The following FGD4 variants were observed in gnomAD, a reference collection of about 807,000 sequenced individuals.
FGD4 encodes FYVE, RhoGEF and PH domain-containing protein 4.
A neutral mutation model predicts 102.0 loss-of-function variants in FGD4; 42 were observed. The ratio of observed to expected loss-of-function variants is 0.41; its 90% CI spans 0.32 to 0.53. FGD4 has a LOEUF of 0.53. Ranked by LOEUF, FGD4 falls within the 20% of genes least tolerant of loss-of-function variation. FGD4 has a pLI of 0.21. For synonymous variants in FGD4, 380 were observed against 375.7 expected (o/e 1.01, Z -0.13); for missense variants, 902 against 1,078.2 (o/e 0.84, Z 2.29).
At position 32,602,158 on chromosome 12, in the gene FGD4, C is replaced by A. The variant is rs755168497; in HGVS notation, c.1248-3C>A. 3 of 1,613,586 alleles carry A rather than the reference C, an allele frequency of 1.9e-6. No homozygotes were observed. In the African/African-American group the frequency reaches 4.0e-5, roughly 22 times the overall value. On this transcript the variant is annotated splice_polypyrimidine_tract_variant and splice_region_variant and intron_variant, in intron 6 of 16. Coordinates refer to ENST00000534526, the MANE Select transcript of FGD4 (RefSeq NM_001370298.3). ...AAGACTTGTTTTTCTATATTTGATA[C>A]AGGGAAACTACTCCTAGAATTGGAG...
chr12:32,503,266 G>A (rs890709346), intron 1 of FGD4, among the ~76,000 whole-genome samples: 1 of 152,118 alleles, frequency 6.6e-6, no homozygotes, highest in Non-Finnish European at 1.5e-5. Flanking sequence ...GTCTAACTGG[G>A]TCTGCCATTT....
At chr12:32,468,180 A>T (rs79031035) in intron 1 of FGD4, among the ~76,000 whole-genome samples, 1 of 151,950 alleles carries the variant, frequency 6.6e-6, no homozygotes, top group East Asian at 1.9e-4. Context: ...GTAGCTGGGA[A>T]CTACAGGTGT....
chr12:32,616,844 C>T (rs967864823), intron 10 of FGD4, among the ~76,000 whole-genome samples: 2 of 152,184 alleles, frequency 1.3e-5, no homozygotes, highest in African/African-American at 4.8e-5. Flanking sequence ...TCACAGAACA[C>T]CTGAGACTGG....
intron 1 of FGD4, among the ~76,000 whole-genome samples, chr12:32,558,452 G>A: frequency 6.6e-6 from 1 of 152,192 alleles, no homozygotes; most frequent in East Asian, 1.9e-4. Context: ...ACCGTATAAA[G>A]CTGTGATCTG....
chr12:32,527,482 C>T (rs780420183), intron 1 of FGD4, among the ~76,000 whole-genome samples: 35 of 151,968 alleles, frequency 2.3e-4, no homozygotes, highest in Non-Finnish European at 4.6e-4. Context: ...CAGGCTGGAG[C>T]GCAGTGGTGC....
At position 32,640,699 on chromosome 12, in the gene FGD4, T is replaced by C. The variant is rs771495250; in HGVS notation, c.*166T>C. 8.6e-6 allele frequency: 8 copies of C among 929,806 alleles called. No homozygotes were observed. The highest frequency in any genetic ancestry group is 1.1e-5 in the Non-Finnish European group (7 of 621,370). 57.6% of individuals were successfully genotyped at this position (929,806 alleles called of 1,614,324 possible). On this transcript the variant is annotated 3_prime_UTR_variant, in exon 17 of 17. Transcript: ENST00000534526. ...GTTTATGTACTCTTAGTGAAATTAGTGTGCAGAGTCATTCTACCGATAAAG... is the reference window on the plus strand; with the variant it reads ...GTTTATGTACTCTTAGTGAAATTAGCGTGCAGAGTCATTCTACCGATAAAG...
rs1944018059 is a variant in FGD4 at position 32,555,464 on chromosome 12, G to A, written c.167-8673G>A. Among the ~76,000 whole-genome samples the A allele has an allele frequency of 2.0e-5, 3 of 152,034 alleles. No homozygotes were observed. The South Asian group carries it at 6.2e-4, about 32-fold the overall frequency. On this transcript the variant is annotated intron_variant, in intron 1 of 16. Coordinates refer to ENST00000534526, the MANE Select transcript of FGD4 (RefSeq NM_001370298.3). Reference sequence around the variant, plus strand: ...GTCTGCAGTAGAGATTTAAGTGTAGGATAATCTCAACATGTGGAAGGCATG... The same window carrying A: ...GTCTGCAGTAGAGATTTAAGTGTAGAATAATCTCAACATGTGGAAGGCATG...
chr12:32,604,146 G>A (rs1194725823), intron 7 of FGD4, among the ~76,000 whole-genome samples: 2 of 152,070 alleles, frequency 1.3e-5, no homozygotes, highest in Admixed American at 1.3e-4. Flanking sequence ...CTGTTTTTTG[G>A]CTTTCAGCAG....
chr12:32,609,411 A>G (rs1414823581), intron 8 of FGD4, among the ~76,000 whole-genome samples: 6 of 152,054 alleles, frequency 3.9e-5, no homozygotes, highest in Admixed American at 3.9e-4. Context: ...TGGAAACACT[A>G]CTGCTTTTCC....
chr12:32,584,571 C>G (rs1308821114), intron 4 of FGD4, among the ~76,000 whole-genome samples: 1 of 151,424 alleles, frequency 6.6e-6, no homozygotes, highest in African/African-American at 2.4e-5. Context: ...ATCTTAAGGC[C>G]CTATCTTCAT....
intron 1 of FGD4, among the ~76,000 whole-genome samples, chr12:32,497,689 G>C (rs991410005): frequency 1.3e-5 from 2 of 152,176 alleles, no homozygotes; most frequent in African/African-American, 4.8e-5. Context: ...AGTAAAACCA[G>C]TAGCAGAGCT....
At chr12:32,620,425 G>C (rs895448113) in intron 11 of FGD4, among the ~76,000 whole-genome samples, 4 of 152,028 alleles carry the variant, frequency 2.6e-5, no homozygotes, top group Non-Finnish European at 4.4e-5. Flanking sequence ...ACTTCTAGAA[G>C]GTATGGCTCT....
At chr12:32,620,520 CTTTT>C (rs1233071153) in intron 11 of FGD4, among the ~76,000 whole-genome samples, 19,676 of 89,480 alleles carry the variant, frequency 0.22, 968 homozygotes, top group South Asian at 0.34. Flanking sequence ...TTTTTTCTTT[CTTTT>C]TTTTTTTTTT....
Position 32,506,103 on chromosome 12 carries a change from G to A in FGD4, c.167-58034G>A, listed in dbSNP as rs1320733885. Among the ~76,000 whole-genome samples, 1 of 152,146 alleles carries A rather than the reference G, an allele frequency of 6.6e-6. No individual in the cohort carries two copies. The highest frequency in any genetic ancestry group is 1.9e-4 in the East Asian group (1 of 5,204). Reference sequence around the variant, plus strand: ...TGAGTTACAGAAACAGCTAATGTTGGGCATTGCATGTTGAATGCAAACACG... The same window carrying A: ...TGAGTTACAGAAACAGCTAATGTTGAGCATTGCATGTTGAATGCAAACACG... On this transcript the variant is annotated intron_variant, in intron 1 of 16. Transcript: ENST00000534526. This position sits in a 1 kb window ranked among gnomAD's most constrained non-coding sequence, Gnocchi z 4.5.
rs1159945964 is a variant in FGD4 at position 32,636,070 on chromosome 12, T to A, written c.2313+2381T>A. Among the ~76,000 whole-genome samples, 7 of 151,430 alleles carry A rather than the reference T, an allele frequency of 4.6e-5. No homozygotes were observed. The East Asian group carries it at 9.7e-4, about 21-fold the overall frequency. On this transcript the variant is annotated intron_variant, in intron 15 of 16. Transcript: ENST00000534526. ...GGATCTACTAATAAGAATGGAATTC[T>A]TTGGGGGAGGATAACCATTCACTTA... is the stretch of plus-strand genomic sequence containing the variant.
At chr12:32,480,701 A>G (rs538454205) in intron 1 of FGD4, among the ~76,000 whole-genome samples, 58 of 146,246 alleles carry the variant, frequency 4.0e-4, no homozygotes, top group East Asian at 1.7e-3. Flanking sequence ...GGGTTTCACC[A>G]TGTTGGCCAG....
intron 1 of FGD4, among the ~76,000 whole-genome samples, chr12:32,500,381 A>ATTTTT (rs1938108413): frequency 2.7e-5 from 4 of 149,190 alleles, no homozygotes; most frequent in African/African-American, 9.8e-5. Flanking sequence ...TTCTGACCTT[A>ATTTTT]TTTTATTTTA....
At chr12:32,529,350 C>T (rs1941569389) in intron 1 of FGD4, among the ~76,000 whole-genome samples, 1 of 151,966 alleles carries the variant, frequency 6.6e-6, no homozygotes, top group South Asian at 2.1e-4. Context: ...TGGTCTCGAT[C>T]TCTTAACCTT....
rs573321966 is a variant in FGD4 at position 32,408,347 on chromosome 12, T to C, written c.166+8388T>C. ...CCATACCTGGCTAATTCTGTATTTT[T>C]AGTAGAGACGGGGTTTCCCCATGTT... On this transcript the variant is annotated intron_variant, in intron 1 of 16. Coordinates refer to ENST00000534526, the MANE Select transcript of FGD4 (RefSeq NM_001370298.3). Among the ~76,000 whole-genome samples, 16 of 152,262 alleles carry C rather than the reference T, an allele frequency of 1.1e-4. No homozygotes were observed. The South Asian group carries it at 1.2e-3, about 12-fold the overall frequency.
Sources: gnomAD v4.1 joint callset for allele counts (sites outside exome capture counted in the v4.1 genomes callset) on GRCh38, gnomAD v4.1.1 for gene constraint, Gnocchi (gnomAD v3.1) non-coding constraint, MANE v1.5 for transcripts, NCBI Gene and HGNC (gene_info 2026-07-23, HGNC 2026-07-21) for gene names.